PDE4D: variants seen among roughly 807,000 people sequenced by gnomAD.
The protein encoded by PDE4D is phosphodiesterase 4D.
In PDE4D, 24 loss-of-function variants were observed where a neutral mutation model predicts 87.4. The ratio of observed to expected loss-of-function variants is 0.27; its 90% CI spans 0.20 to 0.39. The LOEUF is 0.39. PDE4D is among the 10% of genes least tolerant of loss of function. The pLI is 1.00. For synonymous variants in PDE4D, 384 were observed against 383.2 expected, an observed-to-expected ratio of 1.00 and a Z score of -0.02; for missense variants, 714 against 1,041.0, an observed-to-expected ratio of 0.69 and a Z score of 4.32.
intron 5 of PDE4D, among the ~76,000 whole-genome samples, chr5:59,088,531 CAA>C (rs1278366532): frequency 1.3e-5 from 2 of 152,078 alleles, no homozygotes; most frequent in African/African-American, 2.4e-5. Context: ...TTAACAATAG[CAA>C]AGACATAGAA....
At chr5:59,473,083 G>GAAAAAAAAAAAAAAA (rs10573988) in intron 1 of PDE4D, among the ~76,000 whole-genome samples, 1 of 92,118 alleles carries the variant, frequency 1.1e-5, no homozygotes, top group Non-Finnish European at 2.3e-5. Flanking sequence ...GCTTTCTCAT[G>GAAAAAAAAAAAAAAA]AAAAAAAAAA....
intron 1 of PDE4D, among the ~76,000 whole-genome samples, chr5:60,445,336 A>C (rs568416017): frequency 6.6e-6 from 1 of 152,344 alleles, no homozygotes; most frequent in South Asian, 2.1e-4. Context: ...AACTAGATCC[A>C]AAATTTTATA....
rs578242019 is a variant in PDE4D at position 59,725,161 on chromosome 5, G to A, written c.455+168007C>T. 1.3e-4 allele frequency among the ~76,000 whole-genome samples: 19 copies of A among 150,624 alleles called. No individual in the cohort carries two copies. The East Asian group carries it at 1.6e-3, about 12-fold the overall frequency. ...CTTTACCTTTCCTTCTGGTTTGCCC[G>A]GGGGGGATAAATACCCACTTGTACA... On this transcript the variant is annotated intron_variant, in intron 1 of 14. Coordinates refer to ENST00000340635, the MANE Select transcript of PDE4D (RefSeq NM_001104631.2).
At chr5:59,131,077 C>T (rs1333500938) in intron 5 of PDE4D, among the ~76,000 whole-genome samples, 6 of 152,100 alleles carry the variant, frequency 3.9e-5, no homozygotes, top group African/African-American at 1.4e-4. Context: ...AATCTATCTG[C>T]TCAATGATAT....
chr5:59,891,041 A>G (rs868674666), intron 1 of PDE4D, among the ~76,000 whole-genome samples: 1 of 152,244 alleles, frequency 6.6e-6, no homozygotes, highest in Non-Finnish European at 1.5e-5. Context: ...CAAGTATTGT[A>G]AAGAATTTTA....
Position 58,973,712 on chromosome 5 carries a change from T to A in PDE4D, c.*952A>T, listed in dbSNP as rs1743043637. ...AGTATTATAGAACAAATAGTCACTT[T>A]GCACATGAAGAAAAACACTGGTGAA... On this transcript the variant is annotated 3_prime_UTR_variant, in exon 15 of 15. Transcript: ENST00000340635. The A allele has an allele frequency of 6.6e-6, 1 of 152,644 alleles. No individual in the cohort carries two copies. Among genetic ancestry groups the A allele is most frequent in the Non-Finnish European group, 1.5e-5 (1 of 68,038 alleles). 9.5% of individuals were successfully genotyped at this position (152,644 alleles called of 1,614,324 possible). A position where few individuals can be genotyped will look rare whatever the true frequency, so the allele number is the denominator to read the frequency against.
intron 1 of PDE4D, among the ~76,000 whole-genome samples, chr5:60,214,582 T>C (rs1743633448): frequency 6.6e-6 from 1 of 152,256 alleles, no homozygotes; most frequent in South Asian, 2.1e-4. Context: ...AATTAAAGAT[T>C]ACTTGTTAGG....
intron 1 of PDE4D, among the ~76,000 whole-genome samples, chr5:59,622,830 C>T (rs1482935057): frequency 2.0e-5 from 3 of 152,158 alleles, no homozygotes; most frequent in Non-Finnish European, 4.4e-5. Flanking sequence ...TTCATCACCC[C>T]TCCAAAGTGC....
chr5:59,412,260 C>T (rs995235375), intron 1 of PDE4D, among the ~76,000 whole-genome samples: 73 of 152,226 alleles, frequency 4.8e-4, no homozygotes, highest in African/African-American at 1.7e-3. Context: ...TAAGTCACTT[C>T]TGTTACCCAG....
intron 1 of PDE4D, among the ~76,000 whole-genome samples, chr5:59,840,678 G>A (rs1284994156): frequency 6.6e-6 from 1 of 152,030 alleles, no homozygotes; most frequent in Non-Finnish European, 1.5e-5. Flanking sequence ...ACAGAAGAGG[G>A]TGTGGTGAGG....
At chr5:59,470,677 T>A (rs2153651434) in intron 1 of PDE4D, among the ~76,000 whole-genome samples, 1 of 152,340 alleles carries the variant, frequency 6.6e-6, no homozygotes, top group South Asian at 2.1e-4. Flanking sequence ...TACTTTGTTT[T>A]TCAGGAAATA....
At chr5:60,110,648 T>C (rs1489713662) in intron 2 of PDE4D, among the ~76,000 whole-genome samples, 1 of 152,140 alleles carries the variant, frequency 6.6e-6, no homozygotes, top group Non-Finnish European at 1.5e-5. Context: ...ATCCCATTAC[T>C]GGGTATCTAT....
At chr5:60,218,994 G>C (rs1562230362) in intron 1 of PDE4D, among the ~76,000 whole-genome samples, 2 of 152,008 alleles carry the variant, frequency 1.3e-5, no homozygotes, top group South Asian at 4.1e-4. Flanking sequence ...TATTTTCTCT[G>C]TATTTTCAAA....
intron 1 of PDE4D, among the ~76,000 whole-genome samples, chr5:60,388,599 T>C (rs1227384356): frequency 6.6e-6 from 1 of 152,132 alleles, no homozygotes; most frequent in Non-Finnish European, 1.5e-5. Flanking sequence ...GGTTTTCTGT[T>C]TCTGTGTTAG....
At chr5:59,340,421 G>T (rs752558517) in intron 1 of PDE4D, among the ~76,000 whole-genome samples, 6 of 151,988 alleles carry the variant, frequency 3.9e-5, no homozygotes, top group South Asian at 2.1e-4. Flanking sequence ...TACATAGTAG[G>T]TATATTTATG....
At chr5:60,294,661 A>G (rs918444332) in intron 1 of PDE4D, among the ~76,000 whole-genome samples, 4 of 151,994 alleles carry the variant, frequency 2.6e-5, no homozygotes, top group Non-Finnish European at 4.4e-5. Context: ...AAAAAAATCA[A>G]TTTACTTTAT....
chr5:60,296,935 C>G (rs1753452241), intron 1 of PDE4D, among the ~76,000 whole-genome samples: 2 of 151,786 alleles, frequency 1.3e-5, no homozygotes, highest in Non-Finnish European at 2.9e-5. Context: ...ACACCAGGGC[C>G]TGTCGGGAGG....
intron 2 of PDE4D, among the ~76,000 whole-genome samples, chr5:60,180,312 T>C (rs1784275017): frequency 6.6e-6 from 1 of 152,198 alleles, no homozygotes; most frequent in Non-Finnish European, 1.5e-5. Flanking sequence ...AGAAAAATTC[T>C]TTTTATCTAC....
At chr5:59,656,350 C>T (rs1744358078) in intron 1 of PDE4D, among the ~76,000 whole-genome samples, 1 of 152,072 alleles carries the variant, frequency 6.6e-6, no homozygotes, top group African/African-American at 2.4e-5. Context: ...CGTATTGGAC[C>T]AAGTTTTCTA....
Sources: allele counts gnomAD v4.1 joint callset (sites outside exome capture counted in the v4.1 genomes callset), GRCh38; gene constraint gnomAD v4.1.1; transcripts MANE v1.5; gene names NCBI Gene and HGNC (gene_info 2026-07-23, HGNC 2026-07-21).